The following MMUT variants were observed in gnomAD, a reference collection of about 807,000 sequenced individuals.
MMUT encodes methylmalonyl-CoA mutase, mitochondrial.
Under a neutral mutation model 79.9 loss-of-function variants are expected in MMUT, and 79 were observed. The ratio of observed to expected loss-of-function variants is 0.99; its 90% CI spans 0.82 to 1.19. The LOEUF is 1.19. Ranked by LOEUF, MMUT falls within the 50% of genes most tolerant of loss-of-function variation. The pLI, the probability that MMUT is intolerant of heterozygous loss-of-function variation, is 0.00. For missense variants in MMUT, 860 were observed against 917.2 expected (o/e 0.94, Z 0.81); for synonymous variants, 273 against 295.7 (o/e 0.92, Z 0.79).
chr6:49,442,947 A>AT lies in MMUT; in HGVS notation c.1677-977dup, dbSNP rs987799502. On this transcript the variant is annotated intron_variant, in intron 9 of 12. Coordinates refer to ENST00000274813, the MANE Select transcript of MMUT (RefSeq NM_000255.4). Reference sequence around the variant, plus strand: ...AAAGGACTTTAATAAAAGTCATCTAATTTTTTTAATGAAATTAGTAGTAGA... The same window carrying AT: ...AAAGGACTTTAATAAAAGTCATCTAATTTTTTTTAATGAAATTAGTAGTAGA... Among the ~76,000 whole-genome samples the AT allele has an allele frequency of 6.6e-5, 10 of 152,232 alleles. No individual in the cohort carries two copies. In the East Asian group the frequency reaches 1.5e-3, roughly 24 times the overall value.
rs1048893867 is a variant in MMUT at position 49,430,638 on chromosome 6, A to G, written c.*1090T>C. 6 of 152,222 alleles carry G rather than the reference A, an allele frequency of 3.9e-5. No individual in the cohort carries two copies. The highest frequency in any genetic ancestry group is 1.4e-4 in the African/African-American group (6 of 41,458). The allele number at this position is 152,222 out of a possible 1,614,324, so 9.4% of individuals were successfully genotyped here. On this transcript the variant is annotated 3_prime_UTR_variant, in exon 13 of 13. Coordinates refer to ENST00000274813, the MANE Select transcript of MMUT (RefSeq NM_000255.4). ...CAGTAATGTATCTATAATACTTTCC[A>G]AAAGACTGCTCTCTGATCTAATACA...
At position 49,444,529 on chromosome 6, in the gene MMUT, C is replaced by G; in HGVS notation, c.1676+110G>C. The G allele has an allele frequency of 5.9e-6, 5 of 843,906 alleles. No individual in the cohort carries two copies. The East Asian group carries it at 1.2e-4, about 21-fold the overall frequency. 52.3% of individuals were successfully genotyped at this position (843,906 alleles called of 1,614,324 possible). ...AATTTACGATGGATGCCATTATTTT[C>G]TTTTGGGCTCACATGGTTTACAGGA... is the stretch of plus-strand genomic sequence containing the variant. On this transcript the variant is annotated intron_variant, in intron 9 of 12. Transcript: ENST00000274813.
chr6:49,445,141 T>A (rs563027837), intron 8 of MMUT, among the ~76,000 whole-genome samples: 1 of 152,116 alleles, frequency 6.6e-6, no homozygotes, highest in East Asian at 1.9e-4. Flanking sequence ...AGAAAAAAAA[T>A]CAAAACTTAG....
rs914212038 is a variant in MMUT, at chr6:49,430,525, A to G, written c.*1203T>C. ...GACTTGAAGTCAGTGTTCATCTGAA[A>G]ATGGGAACAATAATCATGACAATAC... On this transcript the variant is annotated 3_prime_UTR_variant, in exon 13 of 13. Transcript: ENST00000274813. The G allele has an allele frequency of 1.3e-5, 2 of 152,210 alleles. No homozygotes were observed. The highest frequency in any genetic ancestry group is 4.1e-4 in the South Asian group (2 of 4,830). 9.4% of individuals were successfully genotyped at this position (152,210 alleles called of 1,614,324 possible).
At chr6:49,451,743 CAAAG>C in intron 5 of MMUT, 29 bp from the exon 6 acceptor site, 2 of 1,606,228 alleles carry the variant, frequency 1.2e-6, no homozygotes, top group South Asian at 1.1e-5. Context: ...AACAAAAACT[CAAAG>C]AAACAGGTGA....
In MMUT at chr6:49,453,689, T is replaced by C; in HGVS notation, c.979A>G (p.Arg327Gly). The C allele has an allele frequency of 6.2e-7, 1 of 1,613,342 alleles. No homozygotes were observed. Among genetic ancestry groups the C allele is most frequent in the Non-Finnish European group, 8.5e-7 (1 of 1,179,508 alleles). ...TTCTCTATTAAGTGAGCCCAGAGTC[T>C]TCTACCAGCTCTCATCTTTGCTATT... ...MEIAKMRAGR[R>G]LWAHLIEKMF... Residue 327 changes from arginine (R) to glycine (G), a missense_variant, in exon 5 of 13, where the codon AGA becomes GGA. Arg to Gly is a moderately radical substitution (Grantham distance 125). Transcript: ENST00000274813.
At chr6:49,432,971 C>G (rs895113919) in intron 12 of MMUT, among the ~76,000 whole-genome samples, 1 of 152,184 alleles carries the variant, frequency 6.6e-6, no homozygotes, top group Non-Finnish European at 1.5e-5. Context: ...TACTACTTTT[C>G]TGTCTCTATT....
At chr6:49,457,275 T>C (rs1767712470) in intron 3 of MMUT, among the ~76,000 whole-genome samples, 1 of 152,228 alleles carries the variant, frequency 6.6e-6, no homozygotes. Flanking sequence ...AGGGTGAATA[T>C]TAGGGACCTC....
At chr6:49,461,440 T>C (rs1421901444) in intron 1 of MMUT, among the ~76,000 whole-genome samples, 4 of 152,138 alleles carry the variant, frequency 2.6e-5, no homozygotes, top group Non-Finnish European at 5.9e-5. Context: ...GGTTCAACTA[T>C]GTAAAAAGTA....
intron 12 of MMUT, among the ~76,000 whole-genome samples, chr6:49,434,996 GCTC>G (rs1310706245): frequency 2.6e-5 from 4 of 152,180 alleles, no homozygotes; most frequent in Non-Finnish European, 5.9e-5. Context: ...GCACAAGGTA[GCTC>G]CTTCTAAATA....
rs1039706413 is a variant in MMUT, at chr6:49,431,099, A to C, written c.*629T>G. On this transcript the variant is annotated 3_prime_UTR_variant, in exon 13 of 13. Transcript: ENST00000274813. ...TCTTGAGCCAAGCCCAGAAATAACAAGGTCAGATGGTCATGATCAGGAAGA... is the reference window on the plus strand; with the variant it reads ...TCTTGAGCCAAGCCCAGAAATAACACGGTCAGATGGTCATGATCAGGAAGA... 30 of 152,270 alleles carry C rather than the reference A, an allele frequency of 2.0e-4. No homozygotes were observed. The highest frequency in any genetic ancestry group is 7.0e-4 in the African/African-American group (29 of 41,458). 9.4% of individuals were successfully genotyped at this position (152,270 alleles called of 1,614,324 possible).
rs771542321 is a variant in MMUT at position 49,451,464 on chromosome 6, AC to A, written c.1332+1del. 11 of 1,613,808 alleles carry A rather than the reference AC, an allele frequency of 6.8e-6. No homozygotes were observed. Among genetic ancestry groups the A allele is most frequent in the Non-Finnish European group, 9.3e-6 (11 of 1,179,928 alleles). The stretch of plus-strand genomic sequence containing the variant: ...ACAAAGTTGCAAAGTGGAAAAACTT[AC>A]CTTTAAAGCAGCATCATAAACATCA... On this transcript the variant is annotated splice_donor_variant, in intron 6 of 12. Coordinates refer to ENST00000274813, the MANE Select transcript of MMUT (RefSeq NM_000255.4). LOFTEE classifies it high-confidence loss of function.
At chr6:49,455,788 T>C (rs1044732906) in intron 4 of MMUT, among the ~76,000 whole-genome samples, 1 of 152,170 alleles carries the variant, frequency 6.6e-6, no homozygotes, top group Non-Finnish European at 1.5e-5. Context: ...TAGAAAAAAC[T>C]GTCTCAACAT....
At chr6:49,455,993 T>C (rs1028551942) in intron 4 of MMUT, 87 bp downstream of exon 4, 44 of 1,172,598 alleles carry the variant, frequency 3.8e-5, no homozygotes, top group Middle Eastern at 2.8e-4. Context: ...GCCTGACATT[T>C]ATATTTATAA....
intron 4 of MMUT, among the ~76,000 whole-genome samples, chr6:49,455,647 T>C (rs1474279757): frequency 6.6e-6 from 1 of 152,206 alleles, no homozygotes; most frequent in Non-Finnish European, 1.5e-5. Context: ...ATATTTTTCA[T>C]ACAACATTAT....
In MMUT at chr6:49,451,478, A is replaced by T; in HGVS notation, c.1320T>A (p.Asp440Glu). 3.2e-5 allele frequency: 51 copies of T among 1,614,114 alleles called. No homozygotes were observed. Among genetic ancestry groups the T allele is most frequent in the Non-Finnish European group, 4.2e-5 (50 of 1,179,998 alleles). Residue 440 changes from aspartate (D) to glutamate (E), a missense_variant, in exon 6 of 13, where the codon GAT (aspartate) becomes GAA (glutamate). Asp to Glu is a conservative substitution (Grantham distance 45). Coordinates refer to ENST00000274813, the MANE Select transcript of MMUT (RefSeq NM_000255.4). Reference sequence around the variant, plus strand: ...TGGAAAAACTTACCTTTAAAGCAGCATCATAAACATCATTTGTGAGACATT... The same window carrying T: ...TGGAAAAACTTACCTTTAAAGCAGCTTCATAAACATCATTTGTGAGACATT... ...MMECLTNDVY[D>E]AALKLINEIE...
chr6:49,445,730 C>A (rs942255113), intron 8 of MMUT, among the ~76,000 whole-genome samples: 4 of 151,984 alleles, frequency 2.6e-5, no homozygotes, highest in African/African-American at 9.7e-5. Flanking sequence ...TCAGTACAGA[C>A]ATATCCATTC....
chr6:49,462,056 T>G (rs1382025347), intron 1 of MMUT, among the ~76,000 whole-genome samples: 1 of 152,194 alleles, frequency 6.6e-6, no homozygotes, highest in African/African-American at 2.4e-5. Flanking sequence ...CCCGTTTAAG[T>G]GACTTCCTGA....
chr6:49,452,699 T>C (rs919258943), intron 5 of MMUT, among the ~76,000 whole-genome samples: 3 of 152,198 alleles, frequency 2.0e-5, no homozygotes, highest in Non-Finnish European at 4.4e-5. Flanking sequence ...TTATTCAACA[T>C]TTAAATGTAT....
Sources: allele counts gnomAD v4.1 joint callset (sites outside exome capture counted in the v4.1 genomes callset), GRCh38; gene constraint gnomAD v4.1.1; transcripts MANE v1.5; gene names NCBI Gene and HGNC (gene_info 2026-07-23, HGNC 2026-07-21).